TGFA: variants seen among roughly 807,000 people sequenced by gnomAD.
TGFA encodes transforming growth factor alpha, also known as protransforming growth factor alpha.
A neutral mutation model predicts 21.7 loss-of-function variants in TGFA; 12 were observed. The observed-to-expected ratio is 0.55, with a 90% CI of 0.35 to 0.90. The LOEUF is 0.90. TGFA is among the 40% of genes least tolerant of loss of function. TGFA has a pLI of 0.01. For synonymous variants in TGFA, 79 were observed against 88.1 expected, an observed-to-expected ratio of 0.90 and a Z score of 0.58; for missense variants, 178 against 210.8, an observed-to-expected ratio of 0.84 and a Z score of 0.96.
At position 70,456,465 on chromosome 2, in the gene TGFA, G is replaced by A; in HGVS notation, c.239C>T (p.Ala80Val). 1 of 1,608,106 alleles carries A rather than the reference G, an allele frequency of 6.2e-7. No individual in the cohort carries two copies. The highest frequency in any genetic ancestry group is 1.1e-5 in the South Asian group (1 of 89,450). Residue 80 changes from alanine (A) to valine (V), a missense_variant, in exon 4 of 6, where the codon GCA becomes GTA. Coordinates refer to ENST00000295400, the MANE Select transcript of TGFA (RefSeq NM_003236.4). Reference sequence around the variant, plus strand: ...CAGGAGGTCCGCATGCTCACAGCGTGCACCAACGTACCCAGAATGGCAGCT... The same window carrying A: ...CAGGAGGTCCGCATGCTCACAGCGTACACCAACGTACCCAGAATGGCAGCT... Reference protein sequence around the residue: ...ACVCHSGYVGARCEHADLLAV... With the variant: ...ACVCHSGYVGVRCEHADLLAV...
chr2:70,466,231 T>C (rs1670556027), intron 2 of TGFA, among the ~76,000 whole-genome samples: 1 of 152,166 alleles, frequency 6.6e-6, no homozygotes, highest in Admixed American at 6.5e-5. Flanking sequence ...GTATTGTCTG[T>C]ATAGCGGTGG....
rs1670028123 is a variant in TGFA, at chr2:70,450,730, CACAGGTGATT to C, written c.*119_*128del. 1 of 1,042,404 alleles carries C rather than the reference CACAGGTGATT, an allele frequency of 9.6e-7. No homozygotes were observed. Among genetic ancestry groups the C allele is most frequent in the Admixed American group, 2.0e-5 (1 of 48,844 alleles). The allele number at this position is 1,042,404 out of a possible 1,614,324, so 64.6% of individuals were successfully genotyped here. Reference sequence around the variant, plus strand: ...AGTTTTGAAGGCCCACAAAAGGCTGCACAGGTGATTACAGGCCAAGTAGGAAGGTCTGTGG... The same window carrying C: ...AGTTTTGAAGGCCCACAAAAGGCTGCACAGGCCAAGTAGGAAGGTCTGTGG... On this transcript the variant is annotated 3_prime_UTR_variant, in exon 6 of 6. Transcript: ENST00000295400.
At chr2:70,482,495 C>G (rs1444975228) in intron 2 of TGFA, among the ~76,000 whole-genome samples, 1 of 152,164 alleles carries the variant, frequency 6.6e-6, no homozygotes, top group African/African-American at 2.4e-5. Flanking sequence ...CTTAGTTCTC[C>G]ATCAATTTTG....
At chr2:70,523,001 T>A (rs1226696666) in intron 1 of TGFA, among the ~76,000 whole-genome samples, 1 of 152,186 alleles carries the variant, frequency 6.6e-6, no homozygotes, top group Non-Finnish European at 1.5e-5. Context: ...GGGTGGTAAG[T>A]TAAATCTGTG....
At chr2:70,477,990 C>T (rs1351200583) in intron 2 of TGFA, among the ~76,000 whole-genome samples, 3 of 152,220 alleles carry the variant, frequency 2.0e-5, no homozygotes, top group African/African-American at 7.2e-5. Context: ...TTCTCTGTCT[C>T]TTCTGGGAGC....
At chr2:70,473,870 C>A (rs746871364) in intron 2 of TGFA, among the ~76,000 whole-genome samples, 3 of 152,112 alleles carry the variant, frequency 2.0e-5, no homozygotes, top group Non-Finnish European at 2.9e-5. Context: ...AGAAAGGTAA[C>A]TATAGTGCTA....
intron 2 of TGFA, among the ~76,000 whole-genome samples, chr2:70,470,928 C>T (rs1670723841): frequency 1.3e-5 from 2 of 152,092 alleles, no homozygotes; most frequent in Non-Finnish European, 2.9e-5. Context: ...GACATTTTCT[C>T]ATTACAAAAG....
chr2:70,496,042 G>A (rs552232373), intron 2 of TGFA, among the ~76,000 whole-genome samples: 1 of 152,244 alleles, frequency 6.6e-6, no homozygotes, highest in South Asian at 2.1e-4. Context: ...AGGCTCCTGA[G>A]CACTGAGGAG....
At chr2:70,537,873 G>C (rs1673020048) in intron 1 of TGFA, among the ~76,000 whole-genome samples, 3 of 152,210 alleles carry the variant, frequency 2.0e-5, no homozygotes, top group African/African-American at 7.2e-5. Context: ...TAAATTTTCA[G>C]TGCAGATGAA....
rs1313440710 is a variant in TGFA at position 70,449,516 on chromosome 2, A to G, written c.*1343T>C. On this transcript the variant is annotated 3_prime_UTR_variant, in exon 6 of 6. Coordinates refer to ENST00000295400, the MANE Select transcript of TGFA (RefSeq NM_003236.4). ...CTCACAGGCAGGCCCCATGGGTCAGATGGACCCAGATGCTCAGGGGAACAA... is the reference window on the plus strand; with the variant it reads ...CTCACAGGCAGGCCCCATGGGTCAGGTGGACCCAGATGCTCAGGGGAACAA... 1.1e-5 allele frequency: 2 copies of G among 190,334 alleles called. No individual in the cohort carries two copies. Among genetic ancestry groups the G allele is most frequent in the East Asian group, 3.0e-4 (2 of 6,708 alleles). 11.8% of individuals were successfully genotyped at this position (190,334 alleles called of 1,614,324 possible).
chr2:70,465,774 C>T (rs782371933), intron 2 of TGFA, 38 bp from the exon 3 acceptor site: 3 of 1,610,728 alleles, frequency 1.9e-6, no homozygotes, highest in African/African-American at 1.3e-5. Flanking sequence ...GATCCAGGAA[C>T]AGCTGACATG....
chr2:70,523,295 C>T (rs1553502566), intron 1 of TGFA, among the ~76,000 whole-genome samples: 5 of 152,190 alleles, frequency 3.3e-5, no homozygotes. Context: ...GAGGCTAAGA[C>T]AGAGGAGTGA....
chr2:70,521,606 G>GT (rs1559133439), intron 1 of TGFA, among the ~76,000 whole-genome samples: 8 of 98,220 alleles, frequency 8.1e-5, no homozygotes, highest in Non-Finnish European at 1.2e-4. Context: ...TTTTTTTGTT[G>GT]TTGTTTGTTT....
At chr2:70,504,686 A>G (rs1671867165) in intron 2 of TGFA, among the ~76,000 whole-genome samples, 1 of 152,050 alleles carries the variant, frequency 6.6e-6, no homozygotes, top group Admixed American at 6.6e-5. Context: ...AATGAAATGA[A>G]GGGTTAAAAA....
chr2:70,498,525 T>A (rs1423623154), intron 2 of TGFA, among the ~76,000 whole-genome samples: 4 of 151,436 alleles, frequency 2.6e-5, no homozygotes, highest in Non-Finnish European at 2.9e-5. Flanking sequence ...AAGGAATGAG[T>A]TTTTTCTTCT....
intron 2 of TGFA, among the ~76,000 whole-genome samples, chr2:70,501,488 C>T (rs1272390487): frequency 2.6e-5 from 4 of 152,194 alleles, no homozygotes; most frequent in African/African-American, 9.6e-5. Context: ...AGCCCTCCTG[C>T]TCACTCACAA....
At chr2:70,521,947 T>C (rs782315221) in intron 1 of TGFA, among the ~76,000 whole-genome samples, 3 of 152,188 alleles carry the variant, frequency 2.0e-5, no homozygotes, top group Middle Eastern at 3.2e-3. Context: ...TGCTGATCTC[T>C]CAAGTCGGCA....
In TGFA at chr2:70,553,730, A is replaced by G. The variant is rs1673589619; in HGVS notation, c.38T>C (p.Leu13Pro). 2 of 1,333,446 alleles carry G rather than the reference A, an allele frequency of 1.5e-6. No homozygotes were observed. Among genetic ancestry groups the G allele is most frequent in the Non-Finnish European group, 1.9e-6 (2 of 1,038,082 alleles). The allele number at this position is 1,333,446 out of a possible 1,614,324, so 82.6% of individuals were successfully genotyped here. Residue 13 changes from leucine to proline, a missense_variant and splice_region_variant, in exon 1 of 6, where the codon CTG (leucine) becomes CCG (proline). Leu to Pro is a moderately conservative substitution (Grantham distance 98, BLOSUM62 -3). Coordinates refer to ENST00000295400, the MANE Select transcript of TGFA (RefSeq NM_003236.4). ...PSAGQLALFALGIVLAACQAL... is the reference protein window; with the variant it reads ...PSAGQLALFAPGIVLAACQAL... ...GGCGCCGCAGCCGGCGTACGTACCC[A>G]GAGCGAACAGGGCGAGCTGTCCAGC...
chr2:70,522,061 C>G (rs1170466766), intron 1 of TGFA, among the ~76,000 whole-genome samples: 33 of 152,202 alleles, frequency 2.2e-4, no homozygotes, highest in Admixed American at 2.2e-3. Context: ...TTTATTCTGC[C>G]TTGCAGTTCA....
Sources: gnomAD v4.1 joint callset for allele counts (sites outside exome capture counted in the v4.1 genomes callset) on GRCh38, gnomAD v4.1.1 for gene constraint, MANE v1.5 for transcripts, NCBI Gene and HGNC (gene_info 2026-07-23, HGNC 2026-07-21) for gene names.